Variants in ARGFX observed in about 807,000 individuals in gnomAD.
ARGFX encodes arginine-fifty homeobox.
In ARGFX, 10 loss-of-function variants were observed where a neutral mutation model predicts 8.0. That is an observed-to-expected ratio of 1.25 (90% CI 0.77 to 2.12). The LOEUF is 2.12. ARGFX is among the 30% of genes most tolerant of loss of function. The pLI is 0.00. For synonymous variants in ARGFX, 116 were observed against 117.8 expected (o/e 0.98, Z 0.10); for missense variants, 282 against 324.3 (o/e 0.87, Z 1.00).
At chr3:121,570,062 A>G (rs2048698057) in intron 1 of ARGFX, among the ~76,000 whole-genome samples, 2 of 152,238 alleles carry the variant, frequency 1.3e-5, no homozygotes, top group South Asian at 4.1e-4. Context: ...TATTCCAAAT[A>G]GCTTTTAAAC....
intron 2 of ARGFX, 73 bp from the exon 3 acceptor site, chr3:121,576,711 C>CTTTCTTTCTTTCTTT: frequency 2.0e-5 from 1 of 49,222 alleles, no homozygotes; most frequent in Non-Finnish European, 5.0e-5. Context: ...CTTTCTTTTT[C>CTTTCTTTCTTTCTTT]TTTCTTTCTT....
intron 3 of ARGFX, among the ~76,000 whole-genome samples, chr3:121,578,572 C>A (rs925710450): frequency 6.6e-6 from 1 of 151,962 alleles, no homozygotes; most frequent in Non-Finnish European, 1.5e-5. Context: ...AGCAAGACCC[C>A]ATCTGTATTT....
At position 121,576,883 on chromosome 3, in the gene ARGFX, G is replaced by A. The variant is rs927281188; in HGVS notation, c.203G>A (p.Arg68Gln). ...GSTDPPTSAS[R>Q]VAATTAIRRR... Reference sequence around the variant, plus strand: ...ACTGATCCTCCCACCTCAGCCTCCCGAGTAGCTGCGACTACAGGTGCGTGC... The same window carrying A: ...ACTGATCCTCCCACCTCAGCCTCCCAAGTAGCTGCGACTACAGGTGCGTGC... Residue 68 changes from arginine (R) to glutamine (Q), a missense_variant, in exon 3 of 5, where the codon CGA (arginine) becomes CAA (glutamine). Physicochemically the swap from Arg to Gln is conservative, Grantham distance 43 (BLOSUM62 1). Transcript: ENST00000334384. 2.1e-5 allele frequency: 8 copies of A among 374,670 alleles called. No individual in the cohort carries two copies. Among genetic ancestry groups the A allele is most frequent in the Admixed American group, 7.4e-5 (2 of 27,162 alleles). 23.2% of individuals were successfully genotyped at this position (374,670 alleles called of 1,614,324 possible). A position where few individuals can be genotyped will look rare whatever the true frequency, so the allele number is the denominator to read the frequency against.
In ARGFX at chr3:121,584,972, G is replaced by A. The variant is rs199794514; in HGVS notation, c.276G>A (p.Glu92=). ...CTTTCACCCACCAACAGTATGAGGA[G>A]CTAGAAGCTCTGTTTAGCCAGACCA... ...RTSFTHQQYE[E]LEALFSQTMF... Residue 92 remains glutamate (E), a synonymous_variant, in exon 4 of 5, where the codon GAG becomes GAA. Coordinates refer to ENST00000334384, the MANE Select transcript of ARGFX (RefSeq NM_001012659.2). 1.4e-4 allele frequency: 231 copies of A among 1,613,844 alleles called. 1 individual carries two copies. The highest frequency in any genetic ancestry group is 2.7e-4 in the Admixed American group (16 of 59,994).
intron 2 of ARGFX, among the ~76,000 whole-genome samples, chr3:121,572,793 G>C (rs144506631): frequency 6.6e-6 from 1 of 152,144 alleles, no homozygotes; most frequent in East Asian, 1.9e-4. Flanking sequence ...AAAGAGTGTG[G>C]TGCTGGCATA....
intron 4 of ARGFX, among the ~76,000 whole-genome samples, 157 bp downstream of exon 4, chr3:121,585,222 C>A (rs1248073880): frequency 6.6e-6 from 1 of 152,076 alleles, no homozygotes; most frequent in Non-Finnish European, 1.5e-5. Flanking sequence ...CAAATACTGG[C>A]CTCACTCTCA....
chr3:121,569,101 A>C (rs1031846824), intron 1 of ARGFX, among the ~76,000 whole-genome samples: 7 of 152,202 alleles, frequency 4.6e-5, no homozygotes, highest in Admixed American at 4.6e-4. Flanking sequence ...ACAAAAAAAA[A>C]TTGTGAGACC....
chr3:121,577,510 G>T (rs1359906993), intron 3 of ARGFX, among the ~76,000 whole-genome samples: 2 of 151,086 alleles, frequency 1.3e-5, no homozygotes, highest in African/African-American at 4.9e-5. Context: ...CGCCTGCCTT[G>T]GCCTCCCAAA....
intron 3 of ARGFX, among the ~76,000 whole-genome samples, chr3:121,582,445 A>G (rs2048785205): frequency 6.6e-6 from 1 of 152,234 alleles, no homozygotes; most frequent in South Asian, 2.1e-4. Flanking sequence ...TGTGAGCAGA[A>G]AAAAATCAAT....
At chr3:121,582,280 C>T (rs930454318) in intron 3 of ARGFX, among the ~76,000 whole-genome samples, 1 of 152,082 alleles carries the variant, frequency 6.6e-6, no homozygotes, top group African/African-American at 2.4e-5. Context: ...ATTCCACAGA[C>T]ACATTCCAGA....
intron 3 of ARGFX, among the ~76,000 whole-genome samples, chr3:121,578,366 A>G (rs11716899): frequency 0.17 from 25,302 of 151,762 alleles, 2,661 homozygotes; most frequent in Middle Eastern, 0.27. Context: ...ACCTCAGGTG[A>G]TCCACCCACC....
At chr3:121,577,261 T>TATATATATA (rs1560120621) in intron 3 of ARGFX, among the ~76,000 whole-genome samples, 142 of 37,248 alleles carry the variant, frequency 3.8e-3, no homozygotes, top group Non-Finnish European at 5.8e-3. Context: ...ATATATATAT[T>TATATATATA]TTTTTTTTTT....
intron 4 of ARGFX, among the ~76,000 whole-genome samples, 162 bp downstream of exon 4, chr3:121,585,227 C>G (rs1318856399): frequency 6.6e-6 from 1 of 152,144 alleles, no homozygotes; most frequent in Non-Finnish European, 1.5e-5. Context: ...ACTGGCCTCA[C>G]TCTCATGCAG....
rs1420562292 is a variant in ARGFX at position 121,587,418 on chromosome 3, C to T, written c.*818C>T. 2.0e-5 allele frequency among the ~76,000 whole-genome samples: 3 copies of T among 151,686 alleles called. No individual in the cohort carries two copies. The highest frequency in any genetic ancestry group is 2.9e-5 in the Non-Finnish European group (2 of 67,910). ...CCCAGGCTGGTCTCCAACTCCTGGA[C>T]TTAACGCCATCCACCTGCCACAGCC... On this transcript the variant is annotated 3_prime_UTR_variant, in exon 5 of 5. Transcript: ENST00000334384.
At position 121,586,192 on chromosome 3, in the gene ARGFX, A is replaced by G. The variant is rs747254743; in HGVS notation, c.540A>G (p.Pro180=). The change falls in exon 5 of 5, where the codon CCA becomes CCG. Residue 180 remains proline, a synonymous_variant. Transcript: ENST00000334384. ...PVISDFYSSL[P]SQPLDPSNWA... ...TTTCAGATTTCTACAGCTCCCTTCC[A>G]TCTCAGCCCTTAGACCCTTCCAATT... 7 of 1,613,614 alleles carry G rather than the reference A, an allele frequency of 4.3e-6. No individual in the cohort carries two copies. The highest frequency in any genetic ancestry group is 3.3e-5 in the South Asian group (3 of 91,056).
In ARGFX at chr3:121,588,066, G is replaced by A. The variant is rs1219226777; in HGVS notation, c.*1466G>A. On this transcript the variant is annotated 3_prime_UTR_variant, in exon 5 of 5. Coordinates refer to ENST00000334384, the MANE Select transcript of ARGFX (RefSeq NM_001012659.2). ...TTTTTGAAGGTGAGATGATAAACTT[G>A]CAAAACTCACAAAATAAAGAGTCAA... 1.3e-5 allele frequency among the ~76,000 whole-genome samples: 2 copies of A among 151,824 alleles called. No homozygotes were observed. The highest frequency in any genetic ancestry group is 4.8e-5 in the African/African-American group (2 of 41,338).
intron 2 of ARGFX, among the ~76,000 whole-genome samples, chr3:121,573,492 A>AG (rs1423181594): frequency 6.6e-6 from 1 of 151,992 alleles, no homozygotes; most frequent in African/African-American, 2.4e-5. Context: ...AAAAAGAAAA[A>AG]AAAAAGTAAA....
intron 3 of ARGFX, among the ~76,000 whole-genome samples, chr3:121,580,324 G>A (rs1209226785): frequency 6.6e-6 from 1 of 151,822 alleles, no homozygotes. Flanking sequence ...TGTATTTTTA[G>A]TAGAGATGGA....
At chr3:121,572,313 A>C (rs1354800956) in intron 2 of ARGFX, among the ~76,000 whole-genome samples, 7 of 138,410 alleles carry the variant, frequency 5.1e-5, no homozygotes, top group South Asian at 2.3e-4. Context: ...GCGATCTCGG[A>C]TCACTGCAAC....
Sources: gnomAD v4.1 joint callset for allele counts (sites outside exome capture counted in the v4.1 genomes callset) on GRCh38, gnomAD v4.1.1 for gene constraint, MANE v1.5 for transcripts, NCBI Gene and HGNC (gene_info 2026-07-23, HGNC 2026-07-21) for gene names.